Variants in FAM193A observed in about 807,000 individuals in gnomAD.
FAM193A encodes the protein protein FAM193A.
FAM193A carries 22 observed loss-of-function variants against 126.5 expected under a neutral mutation model. That is an observed-to-expected ratio of 0.17 (90% CI 0.12 to 0.25). The LOEUF (loss-of-function observed/expected upper bound fraction) is 0.25, where lower values mean the gene tolerates loss of function less well. Ranked by LOEUF, FAM193A falls within the 10% of genes least tolerant of loss-of-function variation. FAM193A has a pLI of 1.00. For missense variants in FAM193A, 1,675 were observed against 1,672.8 expected, an observed-to-expected ratio of 1.00 and a Z score of -0.02; for synonymous variants, 761 against 646.8, an observed-to-expected ratio of 1.18 and a Z score of -2.68.
chr4:2,611,475 T>C (rs1031939425), intron 2 of FAM193A, among the ~76,000 whole-genome samples: 7 of 151,844 alleles, frequency 4.6e-5, no homozygotes, highest in African/African-American at 1.7e-4. Context: ...GGTTTCACCA[T>C]GTTGGTCAGT....
At chr4:2,634,694 T>C (rs956251145) in intron 5 of FAM193A, among the ~76,000 whole-genome samples, 3 of 152,142 alleles carry the variant, frequency 2.0e-5, no homozygotes, top group African/African-American at 7.2e-5. Context: ...TACTGAAAAA[T>C]ACTAGTGTTC....
chr4:2,595,579 G>C (rs914246286), intron 1 of FAM193A, among the ~76,000 whole-genome samples: 3 of 152,196 alleles, frequency 2.0e-5, no homozygotes, highest in Admixed American at 1.3e-4. Context: ...GGGCCTGGAA[G>C]GGCGTCTGGG....
chr4:2,609,084 G>T (rs977559921), intron 2 of FAM193A, among the ~76,000 whole-genome samples: 5 of 151,520 alleles, frequency 3.3e-5, no homozygotes, highest in Non-Finnish European at 7.4e-5. Context: ...CATAGAGGTG[G>T]GGTTTCATCG....
intron 13 of FAM193A, among the ~76,000 whole-genome samples, chr4:2,682,796 C>G (rs1165034023): frequency 6.6e-6 from 1 of 151,350 alleles, no homozygotes; most frequent in East Asian, 1.9e-4. Flanking sequence ...CTTCCCTATT[C>G]CCTGTGACAT....
At chr4:2,626,909 C>T (rs888729602) in intron 4 of FAM193A, among the ~76,000 whole-genome samples, 1 of 152,116 alleles carries the variant, frequency 6.6e-6, no homozygotes, top group Admixed American at 6.6e-5. Context: ...TACAAGCACT[C>T]TTGCCTTTAT....
chr4:2,680,858 T>C lies in FAM193A; in HGVS notation c.2331+8486T>C, dbSNP rs192327032. 3.6e-3 allele frequency among the ~76,000 whole-genome samples: 537 copies of C among 151,056 alleles called. 6 individuals are homozygous for C. The Middle Eastern group carries it at 0.069, about 19-fold the overall frequency. Reference sequence around the variant, plus strand: ...GGTTTCACCATGTTGGTCAGGCTGGTCTCGAACCCCTGACCTCAGGTGATC... The same window carrying C: ...GGTTTCACCATGTTGGTCAGGCTGGCCTCGAACCCCTGACCTCAGGTGATC... On this transcript the variant is annotated intron_variant, in intron 13 of 20. Transcript: ENST00000637812.
chr4:2,587,194 C>T (rs952995145), intron 1 of FAM193A, among the ~76,000 whole-genome samples: 1 of 152,124 alleles, frequency 6.6e-6, no homozygotes, highest in African/African-American at 2.4e-5. Flanking sequence ...GTTTTTTCCA[C>T]TTACGGCACA....
intron 2 of FAM193A, among the ~76,000 whole-genome samples, chr4:2,604,791 C>CTTT (rs869148370): frequency 2.9e-3 from 293 of 99,488 alleles, no homozygotes; most frequent in African/African-American, 7.0e-3. Flanking sequence ...TTTCTTTTTC[C>CTTT]TTTTTTTTTT....
chr4:2,561,839 C>G (rs890940968), intron 1 of FAM193A, among the ~76,000 whole-genome samples: 3 of 152,164 alleles, frequency 2.0e-5, no homozygotes, highest in African/African-American at 4.8e-5. Flanking sequence ...ATCAGTAACC[C>G]TCTAACATTG....
intron 1 of FAM193A, among the ~76,000 whole-genome samples, chr4:2,538,030 T>C (rs1736994328): frequency 6.6e-6 from 1 of 152,200 alleles, no homozygotes; most frequent in African/African-American, 2.4e-5. Flanking sequence ...GGCGCAGTCA[T>C]TTCCAGTTAT....
At chr4:2,593,010 G>C (rs1224322944) in intron 1 of FAM193A, among the ~76,000 whole-genome samples, 2 of 152,096 alleles carry the variant, frequency 1.3e-5, no homozygotes, top group East Asian at 3.9e-4. Flanking sequence ...GAGGAAAGGC[G>C]TTCTGATGCT....
At chr4:2,650,615 G>A (rs1441545882) in intron 7 of FAM193A, among the ~76,000 whole-genome samples, 1 of 152,170 alleles carries the variant, frequency 6.6e-6, no homozygotes. Flanking sequence ...CAGAGAGGCT[G>A]CTTGTGGGAA....
chr4:2,703,845 G>A (rs1333989263), intron 19 of FAM193A, among the ~76,000 whole-genome samples: 1 of 149,968 alleles, frequency 6.7e-6, no homozygotes, highest in Non-Finnish European at 1.5e-5. Context: ...GGTGGTGCAC[G>A]CCTGTAGTCC....
At chr4:2,721,692 C>T (rs181534452) in intron 20 of FAM193A, among the ~76,000 whole-genome samples, 4 of 152,322 alleles carry the variant, frequency 2.6e-5, no homozygotes, top group Non-Finnish European at 4.4e-5. Context: ...ACCACTGCTC[C>T]GGGGAGCATA....
intron 5 of FAM193A, among the ~76,000 whole-genome samples, chr4:2,634,647 C>A (rs1366841019): frequency 6.6e-6 from 1 of 152,044 alleles, no homozygotes; most frequent in East Asian, 1.9e-4. Context: ...GAAACAAAAA[C>A]TTTTTTTAGA....
At chr4:2,639,935 C>G (rs753191703) in intron 6 of FAM193A, 76 bp downstream of exon 6, 7 of 1,390,304 alleles carry the variant, frequency 5.0e-6, no homozygotes, top group Non-Finnish European at 6.9e-6. Context: ...TGCGTGTACC[C>G]GAGTACCACT....
intron 1 of FAM193A, among the ~76,000 whole-genome samples, chr4:2,541,360 T>C (rs1294046196): frequency 6.6e-6 from 1 of 152,066 alleles, no homozygotes; most frequent in African/African-American, 2.4e-5. Flanking sequence ...AAACAAAATA[T>C]TTTAATACTT....
Position 2,659,949 on chromosome 4 carries a change from C to T in FAM193A, c.1640C>T (p.Pro547Leu), listed in dbSNP as rs147503078. Residue 547 changes from proline (P) to leucine (L), a missense_variant, in exon 10 of 21, where the codon CCG becomes CTG. Coordinates refer to ENST00000637812, the MANE Select transcript of FAM193A (RefSeq NM_001366318.2). Reference protein sequence around the residue: ...PAPDYLAERSPPSVSSASSGS... With the variant: ...PAPDYLAERSLPSVSSASSGS... ...CCTGACTATCTTGCTGAGAGGAGCC[C>T]GCCCAGTGTGTCATCTGCAAGCTCG... The T allele has an allele frequency of 6.9e-4, 1,116 of 1,614,118 alleles. 1 individual carries two copies. Among genetic ancestry groups the T allele is most frequent in the Non-Finnish European group, 8.8e-4 (1,033 of 1,180,032 alleles).
intron 14 of FAM193A, 58 bp downstream of exon 14, chr4:2,689,762 C>A (rs1367990039): frequency 1.6e-6 from 2 of 1,277,586 alleles, no homozygotes; most frequent in African/African-American, 1.5e-5. Context: ...AGACTGACAT[C>A]TTTGCCGTAG....
Sources: allele counts gnomAD v4.1 joint callset (sites outside exome capture counted in the v4.1 genomes callset), GRCh38; gene constraint gnomAD v4.1.1; transcripts MANE v1.5; gene names NCBI Gene and HGNC (gene_info 2026-07-23, HGNC 2026-07-21).